The following ERC2 variants were observed in gnomAD, a reference collection of about 807,000 sequenced individuals.
ERC2 encodes the protein ELKS/RAB6-interacting/CAST family member 2.
A neutral mutation model predicts 114.8 loss-of-function variants in ERC2; 42 were observed. The observed-to-expected ratio is 0.37, with a 90% CI of 0.29 to 0.47. The LOEUF is 0.47. ERC2 is among the 20% of genes least tolerant of loss of function. ERC2 has a pLI of 0.99. For missense variants in ERC2, 939 were observed against 1,150.7 expected, an observed-to-expected ratio of 0.82 and a Z score of 2.66; for synonymous variants, 454 against 425.5, an observed-to-expected ratio of 1.07 and a Z score of -0.82.
At chr3:56,054,467 C>CAT (rs1196654993) in intron 7 of ERC2, among the ~76,000 whole-genome samples, 1 of 152,158 alleles carries the variant, frequency 6.6e-6, no homozygotes, top group Admixed American at 6.5e-5. Context: ...AAATGCCTTT[C>CAT]ATATATATGA....
At chr3:55,901,683 C>T (rs1161790979) in intron 13 of ERC2, among the ~76,000 whole-genome samples, 1 of 152,222 alleles carries the variant, frequency 6.6e-6, no homozygotes, top group African/African-American at 2.4e-5. Context: ...TTCTTAAAGT[C>T]AACTGTGCCA....
intron 17 of ERC2, among the ~76,000 whole-genome samples, chr3:55,574,916 C>T (rs987072976): frequency 1.3e-5 from 2 of 152,220 alleles, no homozygotes; most frequent in African/African-American, 2.4e-5. Context: ...CATGTAAGTG[C>T]CCGCTCATCC....
chr3:55,888,639 A>G (rs2063467069), intron 13 of ERC2, 90 bp from the exon 14 acceptor site: 2 of 1,492,652 alleles, frequency 1.3e-6, no homozygotes, highest in East Asian at 2.3e-5. Flanking sequence ...AACAAACACA[A>G]AGGAATCACA....
chr3:55,611,858 A>C, intron 17 of ERC2, among the ~76,000 whole-genome samples: 1 of 152,310 alleles, frequency 6.6e-6, no homozygotes. Flanking sequence ...CATTTAGAAC[A>C]ATAATAGAAA....
intron 7 of ERC2, among the ~76,000 whole-genome samples, chr3:56,061,834 G>A (rs2076257567): frequency 6.6e-6 from 1 of 152,146 alleles, no homozygotes; most frequent in African/African-American, 2.4e-5. Context: ...ACTAAGTTCT[G>A]TATCTGTAAT....
chr3:55,757,950 T>C (rs2067168657), intron 14 of ERC2, among the ~76,000 whole-genome samples: 1 of 152,040 alleles, frequency 6.6e-6, no homozygotes, highest in Admixed American at 6.6e-5. Flanking sequence ...TATATATACA[T>C]TTATACCTCT....
chr3:55,956,272 C>G (rs1233673095), intron 12 of ERC2, among the ~76,000 whole-genome samples: 2 of 152,142 alleles, frequency 1.3e-5, no homozygotes, highest in Non-Finnish European at 2.9e-5. Flanking sequence ...AGCAGGTTAT[C>G]CTAATGGAAG....
intron 2 of ERC2, among the ~76,000 whole-genome samples, chr3:56,344,829 G>A (rs563085238): frequency 6.6e-6 from 1 of 152,242 alleles, no homozygotes; most frequent in African/African-American, 2.4e-5. Context: ...AGGTGTCTCA[G>A]GACAAGGCTA....
chr3:55,682,985 T>C (rs1285241533), intron 17 of ERC2, among the ~76,000 whole-genome samples: 1 of 152,220 alleles, frequency 6.6e-6, no homozygotes, highest in Non-Finnish European at 1.5e-5. Flanking sequence ...CATGTGGTAA[T>C]TACATGTGTC....
chr3:55,733,536 TCTCTCTCACACACACACACACACACACA>T (rs2065424349), intron 15 of ERC2, among the ~76,000 whole-genome samples: 2 of 68,534 alleles, frequency 2.9e-5, no homozygotes, highest in African/African-American at 1.1e-4. Flanking sequence ...ATTCTTTCTC[TCTCTCTCACACACACACACACACACACA>T]CACACACACA....
intron 17 of ERC2, among the ~76,000 whole-genome samples, chr3:55,601,169 C>G (rs1389317668): frequency 6.6e-6 from 1 of 152,056 alleles, no homozygotes; most frequent in East Asian, 1.9e-4. Flanking sequence ...GAATATAGCT[C>G]GCTATAACCA....
intron 3 of ERC2, among the ~76,000 whole-genome samples, chr3:56,195,500 C>CGTGTGTGCGTGT (rs1553873463): frequency 1.3e-5 from 2 of 149,924 alleles, no homozygotes; most frequent in Admixed American, 1.3e-4. Flanking sequence ...TGCGTGTGTG[C>CGTGTGTGCGTGT]GTGTGTGTGT....
intron 3 of ERC2, among the ~76,000 whole-genome samples, chr3:56,258,022 C>T (rs2052638023): frequency 6.6e-6 from 1 of 152,164 alleles, no homozygotes; most frequent in African/African-American, 2.4e-5. Flanking sequence ...GTAGGATAAT[C>T]CTTTCATTCT....
intron 2 of ERC2, among the ~76,000 whole-genome samples, chr3:56,393,905 A>G (rs2060213921): frequency 6.6e-6 from 1 of 151,874 alleles, no homozygotes; most frequent in South Asian, 2.1e-4. Context: ...CCTGGACACT[A>G]CTTTTATGTC....
intron 15 of ERC2, among the ~76,000 whole-genome samples, chr3:55,715,282 C>T (rs1017992834): frequency 1.3e-5 from 2 of 152,174 alleles, no homozygotes; most frequent in African/African-American, 2.4e-5. Context: ...CAGGGGACCT[C>T]GGCTGGATCA....
intron 7 of ERC2, among the ~76,000 whole-genome samples, chr3:56,039,723 C>T (rs2075019168): frequency 6.6e-6 from 1 of 152,090 alleles, no homozygotes; most frequent in South Asian, 2.1e-4. Context: ...CTGGAAGCAT[C>T]ATGCTACTTG....
rs536280799 is a variant in ERC2, at chr3:55,560,689, T to C, written c.*40-49413A>G. ...TAGTGCTGATGGAATTCCTGACCCA[T>C]AAAATTCTGATATGTAAGAAAATGG... On this transcript the variant is annotated intron_variant, in intron 17 of 17. Transcript: ENST00000288221. Among the ~76,000 whole-genome samples, 13 of 152,246 alleles carry C rather than the reference T, an allele frequency of 8.5e-5. No homozygotes were observed. The East Asian group carries it at 1.2e-3, about 14-fold the overall frequency.
intron 13 of ERC2, among the ~76,000 whole-genome samples, chr3:55,949,775 G>T (rs1281934144): frequency 6.6e-6 from 1 of 152,152 alleles, no homozygotes; most frequent in East Asian, 1.9e-4. Context: ...AATAAATAAA[G>T]AAACTTCAAA....
rs1367176519 is a variant in ERC2 at position 56,461,877 on chromosome 3, G to A, written c.-141+6371C>T. On this transcript the variant is annotated intron_variant, in intron 1 of 17. Coordinates refer to ENST00000288221, the MANE Select transcript of ERC2 (RefSeq NM_015576.3). ...CAGCTGAAAAACATTTGAAAACTAT[G>A]AATGTAAACCAAATCCTTTATTTTA... Among the ~76,000 whole-genome samples, 4 of 152,124 alleles carry A rather than the reference G, an allele frequency of 2.6e-5. No individual in the cohort carries two copies. In the South Asian group the frequency reaches 6.2e-4, roughly 24 times the overall value.
Sources: gnomAD v4.1 joint callset for allele counts (sites outside exome capture counted in the v4.1 genomes callset) on GRCh38, gnomAD v4.1.1 for gene constraint, MANE v1.5 for transcripts, NCBI Gene and HGNC (gene_info 2026-07-23, HGNC 2026-07-21) for gene names.